KLHDC4: variants seen among roughly 807,000 people sequenced by gnomAD.
KLHDC4 encodes the protein kelch domain containing 4.
In KLHDC4, 90 loss-of-function variants were observed where a neutral mutation model predicts 62.4. That is an observed-to-expected ratio of 1.44 (90% CI 1.22 to 1.72). KLHDC4 has a LOEUF of 1.72. Among genes scored for constraint, KLHDC4 ranks in the 40% most tolerant of loss-of-function variants. The probability of loss-of-function intolerance (pLI) is 0.00; values close to 1 mark genes in which losing one functional copy is unlikely to be tolerated. For synonymous variants in KLHDC4, 386 were observed against 284.4 expected (o/e 1.36, Z -3.59); for missense variants, 1,025 against 699.7 (o/e 1.47, Z -5.25).
intron 5 of KLHDC4, among the ~76,000 whole-genome samples, chr16:87,731,715 C>G (rs1373440108): frequency 6.6e-6 from 1 of 152,246 alleles, no homozygotes; most frequent in East Asian, 1.9e-4. Context: ...GACATGGACT[C>G]AAGAGAAAGG....
intron 5 of KLHDC4, among the ~76,000 whole-genome samples, chr16:87,737,590 CTTT>C (rs10709997): frequency 3.1e-4 from 40 of 130,364 alleles, no homozygotes; most frequent in East Asian, 1.1e-3. Flanking sequence ...ACAAATCAGT[CTTT>C]TTTTTTTTTT....
rs2035780288 is a variant in KLHDC4, at chr16:87,711,336, C to T, written c.943G>A (p.Val315Ile). 2 of 1,614,066 alleles carry T rather than the reference C, an allele frequency of 1.2e-6. No homozygotes were observed. The highest frequency in any genetic ancestry group is 1.1e-5 in the South Asian group (1 of 91,086). ...CTCTCCTCCTCTTCCTCGTCACAGA[C>T]ACCCCCGAAGAACAGTGTCTGGTGA... ...PNHQTLFFGG[V>I]CDEEEEESLS... Residue 315 changes from valine (V) to isoleucine (I), a missense_variant, in exon 9 of 12, where the codon GTC becomes ATC. By Grantham distance (29) the Val-to-Ile change is conservative. Coordinates refer to ENST00000270583, the MANE Select transcript of KLHDC4 (RefSeq NM_017566.4).
At chr16:87,729,781 G>A (rs1473617107) in intron 6 of KLHDC4, among the ~76,000 whole-genome samples, 1 of 152,202 alleles carries the variant, frequency 6.6e-6, no homozygotes, top group South Asian at 2.1e-4. Flanking sequence ...CAGACCCGTG[G>A]CTCTCAAAGT....
At chr16:87,729,541 C>G (rs2039971560) in intron 6 of KLHDC4, among the ~76,000 whole-genome samples, 1 of 152,124 alleles carries the variant, frequency 6.6e-6, no homozygotes, top group Non-Finnish European at 1.5e-5. Flanking sequence ...CAGGGATAAC[C>G]AGCTCCCCTG....
chr16:87,762,680 G>A (rs1203361821), intron 1 of KLHDC4, among the ~76,000 whole-genome samples: 1 of 152,190 alleles, frequency 6.6e-6, no homozygotes, highest in African/African-American at 2.4e-5. Flanking sequence ...CAAGTAAGAA[G>A]GTCTCAACTT....
intron 10 of KLHDC4, 76 bp downstream of exon 10, chr16:87,709,189 C>T (rs2035272004): frequency 3.9e-6 from 6 of 1,529,750 alleles, no homozygotes; most frequent in Non-Finnish European, 5.3e-6. Context: ...GCTTGCAGGG[C>T]TTGCTTTCGA....
intron 5 of KLHDC4, among the ~76,000 whole-genome samples, chr16:87,739,505 A>G (rs1230267751): frequency 7.0e-6 from 1 of 143,012 alleles, no homozygotes; most frequent in East Asian, 2.1e-4. Context: ...TCCACACACC[A>G]GCACCTCATC....
intron 7 of KLHDC4, among the ~76,000 whole-genome samples, chr16:87,722,237 G>T (rs748750495): frequency 6.6e-6 from 1 of 152,216 alleles, no homozygotes; most frequent in Non-Finnish European, 1.5e-5. Flanking sequence ...ACGTGGTTAC[G>T]ATACTGACCA....
intron 2 of KLHDC4, among the ~76,000 whole-genome samples, chr16:87,761,039 A>G (rs1023051161): frequency 6.6e-6 from 1 of 150,694 alleles, no homozygotes; most frequent in African/African-American, 2.4e-5. Context: ...TCTCAAAAAG[A>G]AAAAAAAAAG....
chr16:87,723,446 T>C (rs1418015206), intron 7 of KLHDC4, among the ~76,000 whole-genome samples: 1 of 152,278 alleles, frequency 6.6e-6, no homozygotes, highest in Non-Finnish European at 1.5e-5. Context: ...TTAGCCGGTC[T>C]GGCTGTTCAC....
intron 5 of KLHDC4, among the ~76,000 whole-genome samples, chr16:87,742,351 C>T (rs2042363489): frequency 6.6e-6 from 1 of 152,186 alleles, no homozygotes; most frequent in Non-Finnish European, 1.5e-5. Flanking sequence ...TAAGAGAATG[C>T]TTTCATTCTG....
exon 1 of KLHDC4, chr16:87,702,282 T>G (rs1304655751): frequency 2.2e-6 from 1 of 456,332 alleles, no homozygotes; most frequent in East Asian, 6.9e-5. Flanking sequence ...AGCCACTGTT[T>G]GGCAAGGAGG....
At chr16:87,764,163 G>A (rs762439775) in intron 1 of KLHDC4, among the ~76,000 whole-genome samples, 5 of 152,194 alleles carry the variant, frequency 3.3e-5, no homozygotes, top group Non-Finnish European at 7.3e-5. Flanking sequence ...AGACACAGCT[G>A]AATTTAAGAA....
intron 5 of KLHDC4, among the ~76,000 whole-genome samples, chr16:87,736,003 T>C (rs961471014): frequency 2.6e-5 from 4 of 152,254 alleles, no homozygotes; most frequent in African/African-American, 9.6e-5. Context: ...CAAACGCTTC[T>C]CTGAGTGACT....
At chr16:87,716,438 A>T (rs1442861291) in intron 7 of KLHDC4, among the ~76,000 whole-genome samples, 1 of 152,184 alleles carries the variant, frequency 6.6e-6, no homozygotes, top group Non-Finnish European at 1.5e-5. Context: ...TCAACGACAC[A>T]CAGCTGCCAC....
intron 5 of KLHDC4, among the ~76,000 whole-genome samples, chr16:87,738,444 G>A (rs1244607780): frequency 2.0e-5 from 3 of 152,142 alleles, no homozygotes; most frequent in South Asian, 2.1e-4. Flanking sequence ...ATACAAAGAT[G>A]TATGCACTGT....
At chr16:87,754,767 G>T (rs990795605) in intron 4 of KLHDC4, among the ~76,000 whole-genome samples, 1 of 152,194 alleles carries the variant, frequency 6.6e-6, no homozygotes, top group Non-Finnish European at 1.5e-5. Flanking sequence ...AGCTAACCAC[G>T]TGCTAAGTCA....
intron 4 of KLHDC4, among the ~76,000 whole-genome samples, chr16:87,752,797 A>G (rs2044231945): frequency 6.6e-6 from 1 of 152,120 alleles, no homozygotes; most frequent in Non-Finnish European, 1.5e-5. Flanking sequence ...AATAAATATG[A>G]CTCAAGGGAA....
At chr16:87,756,721 CAAAAAAAAA>C (rs35385743) in intron 2 of KLHDC4, among the ~76,000 whole-genome samples, 1 of 98,812 alleles carries the variant, frequency 1.0e-5, no homozygotes, top group South Asian at 3.0e-4. Context: ...GTTGTATTAA[CAAAAAAAAA>C]AAAAAAAAAA....
Sources: gnomAD v4.1 joint callset for allele counts (sites outside exome capture counted in the v4.1 genomes callset) on GRCh38, gnomAD v4.1.1 for gene constraint, MANE v1.5 for transcripts, NCBI Gene and HGNC (gene_info 2026-07-23, HGNC 2026-07-21) for gene names.